Variants in DAPK1 observed in about 807,000 individuals in gnomAD.
The protein encoded by DAPK1 is death-associated protein kinase 1.
Under a neutral mutation model 144.9 loss-of-function variants are expected in DAPK1, and 56 were observed. That is an observed-to-expected ratio of 0.39 (90% CI 0.31 to 0.48). The LOEUF is 0.48. Among genes scored for constraint, DAPK1 ranks in the 20% least tolerant of loss-of-function variants. DAPK1 has a pLI of 0.95. For synonymous variants in DAPK1, 690 were observed against 749.0 expected, an observed-to-expected ratio of 0.92 and a Z score of 1.29; for missense variants, 1,454 against 1,875.4, an observed-to-expected ratio of 0.78 and a Z score of 4.15.
chr9:87,569,044 G>A (rs1391222006), intron 2 of DAPK1, among the ~76,000 whole-genome samples: 1 of 138,744 alleles, frequency 7.2e-6, no homozygotes, highest in Non-Finnish European at 1.6e-5. Flanking sequence ...TCCAGGTCAC[G>A]TGTGTTTTTT....
At chr9:87,632,728 G>A (rs1336265734) in intron 3 of DAPK1, 1 of 980,410 alleles carries the variant, frequency 1.0e-6, no homozygotes. Context: ...AGAGATGAAG[G>A]AGGGTGAGTA....
At chr9:87,698,052 T>C (rs1825320340) in intron 22 of DAPK1, among the ~76,000 whole-genome samples, 1 of 152,246 alleles carries the variant, frequency 6.6e-6, no homozygotes, top group Admixed American at 6.5e-5. Flanking sequence ...TAAACTTCCT[T>C]TGGTCTTTGC....
chr9:87,697,153 AT>A lies in DAPK1; in HGVS notation c.2564del (p.Phe855SerfsTer6). The A allele has an allele frequency of 6.3e-7, 1 of 1,590,030 alleles. No individual in the cohort carries two copies. The highest frequency in any genetic ancestry group is 8.6e-7 in the Non-Finnish European group (1 of 1,158,052). Reference protein sequence around the residue: ...EPYEIQLNQVIFWLSFLKSLV... With the variant: ...EPYEIQLNQVXFWLSFLKSLV... Reference sequence around the variant, plus strand: ...CTATGAGATCCAGCTGAACCAAGTGATTTTCTGGCTCAGTTTCCTGAAGTCC... The same window carrying A: ...CTATGAGATCCAGCTGAACCAAGTGATTTCTGGCTCAGTTTCCTGAAGTCC... On this transcript the variant is annotated frameshift_variant, in exon 22 of 26. Transcript: ENST00000408954. LOFTEE classifies it high-confidence loss of function.
rs373476383 is a variant in DAPK1, at chr9:87,640,586, C to T, written c.782+136C>T. The T allele has an allele frequency of 5.9e-4, 663 of 1,122,650 alleles. 4 individuals carry two copies. In the South Asian group the frequency reaches 9.5e-3, roughly 16 times the overall value. 69.5% of individuals were successfully genotyped at this position (1,122,650 alleles called of 1,614,324 possible). Reference sequence around the variant, plus strand: ...CCAAAGGGCAGCATGCCATGTGAAACGCTTCAGAAAATGCAAGCAGGGCCC... The same window carrying T: ...CCAAAGGGCAGCATGCCATGTGAAATGCTTCAGAAAATGCAAGCAGGGCCC... On this transcript the variant is annotated intron_variant, in intron 8 of 25. Transcript: ENST00000408954.
At chr9:87,548,960 C>T (rs1423228818) in intron 2 of DAPK1, among the ~76,000 whole-genome samples, 1 of 91,900 alleles carries the variant, frequency 1.1e-5, no homozygotes, top group Non-Finnish European at 2.0e-5. Context: ...CTTTTAAGTT[C>T]AGGGGTACAT....
intron 20 of DAPK1, among the ~76,000 whole-genome samples, chr9:87,682,182 G>A (rs1824657352): frequency 6.6e-6 from 1 of 152,164 alleles, no homozygotes; most frequent in African/African-American, 2.4e-5. Flanking sequence ...CTCCTTAGTG[G>A]TTTTCAGGGA....
chr9:87,637,630 T>C (rs1829948353), intron 3 of DAPK1, among the ~76,000 whole-genome samples: 1 of 152,314 alleles, frequency 6.6e-6, no homozygotes, highest in East Asian at 1.9e-4. Context: ...AGACATCACC[T>C]CTAAGTATGT....
At chr9:87,640,555 C>T (rs751034321) in intron 8 of DAPK1, 105 bp downstream of exon 8, 8 of 1,324,766 alleles carry the variant, frequency 6.0e-6, no homozygotes, top group Non-Finnish European at 8.3e-6. Context: ...CTGCTTGCTT[C>T]ATCTGCCAAA....
Position 87,707,425 on chromosome 9 carries a change from C to G in DAPK1, c.*61C>G, listed in dbSNP as rs1295317968. ...TGCAGAAGCAAGGGGGTGATGTAGC[C>G]CATCCTTCCCTTTGGAGATGCTGAG... On this transcript the variant is annotated 3_prime_UTR_variant, in exon 26 of 26. Transcript: ENST00000408954. The surrounding 1 kb of genome is among the most constrained non-coding windows in gnomAD (Gnocchi z 4.0). The G allele has an allele frequency of 9.5e-6, 11 of 1,161,542 alleles. No individual in the cohort carries two copies. Among genetic ancestry groups the G allele is most frequent in the African/African-American group, 1.5e-5 (1 of 65,056 alleles). The allele number at this position is 1,161,542 out of a possible 1,614,324, so 72.0% of individuals were successfully genotyped here. A position where few individuals can be genotyped will look rare whatever the true frequency, so the allele number is the denominator to read the frequency against.
chr9:87,572,242 A>G (rs999292622), intron 2 of DAPK1, among the ~76,000 whole-genome samples: 3 of 152,196 alleles, frequency 2.0e-5, no homozygotes. Flanking sequence ...TTCAATCCTC[A>G]TAGTAAGAGG....
intron 3 of DAPK1, among the ~76,000 whole-genome samples, chr9:87,636,875 C>T (rs775999304): frequency 9.2e-5 from 14 of 152,156 alleles, no homozygotes; most frequent in Admixed American, 3.3e-4. Context: ...TCATCGCTAT[C>T]GTGGAGTTTT....
chr9:87,606,478 C>G (rs1828718650), intron 3 of DAPK1, among the ~76,000 whole-genome samples: 1 of 144,600 alleles, frequency 6.9e-6, no homozygotes, highest in African/African-American at 2.6e-5. Context: ...TCTTTCCCTT[C>G]CTTCCTCCCT....
chr9:87,539,740 G>A (rs1825977449), intron 2 of DAPK1, among the ~76,000 whole-genome samples: 1 of 152,072 alleles, frequency 6.6e-6, no homozygotes, highest in Non-Finnish European at 1.5e-5. Flanking sequence ...TTTCTGAGGA[G>A]AGCAATGAAA....
chr9:87,697,060 T>G lies in DAPK1; in HGVS notation c.2467T>G (p.Cys823Gly). ...EFSGNPVYFC[C>G]YDYFAANDPT... The stretch of plus-strand genomic sequence containing the variant: ...CTCTGGAAATCCTGTGTATTTCTGC[T>G]GTTATGACTATTTTGCTGCAAATGA... The change falls in exon 22 of 26, where the codon TGT (cysteine) becomes GGT (glycine). Residue 823 changes from cysteine (C) to glycine (G), a missense_variant. Cys to Gly is a radical substitution (Grantham distance 159). This residue lies in a region of DAPK1 where 1,025 missense variants were observed against 1,237.9 expected (regional missense o/e 0.83). Transcript: ENST00000408954. 1 of 1,595,686 alleles carries G rather than the reference T, an allele frequency of 6.3e-7. No homozygotes were observed. The highest frequency in any genetic ancestry group is 8.6e-7 in the Non-Finnish European group (1 of 1,163,092).
chr9:87,581,889 T>G (rs1394294792), intron 2 of DAPK1, among the ~76,000 whole-genome samples: 1 of 152,206 alleles, frequency 6.6e-6, no homozygotes, highest in Non-Finnish European at 1.5e-5. Flanking sequence ...TCCCACTCAT[T>G]TTCTTTAATT....
chr9:87,604,863 T>C (rs1007787939), intron 2 of DAPK1, 91 bp from the exon 3 acceptor site: 16 of 1,161,526 alleles, frequency 1.4e-5, no homozygotes, highest in Non-Finnish European at 2.0e-5. Context: ...CTATTCACAG[T>C]TCTCTTGTCC....
At chr9:87,502,120 G>C (rs534552702) in intron 2 of DAPK1, among the ~76,000 whole-genome samples, 1 of 152,122 alleles carries the variant, frequency 6.6e-6, no homozygotes, top group Non-Finnish European at 1.5e-5. Flanking sequence ...TATTCTTTAA[G>C]TTTCTGTTTA....
intron 19 of DAPK1, among the ~76,000 whole-genome samples, chr9:87,673,117 C>T (rs1003879411): frequency 1.3e-5 from 2 of 152,056 alleles, no homozygotes; most frequent in Non-Finnish European, 2.9e-5. Flanking sequence ...GTTTCTTGTC[C>T]CTGGCCTCCA....
intron 4 of DAPK1, among the ~76,000 whole-genome samples, chr9:87,638,797 A>G (rs1335255658): frequency 1.3e-5 from 2 of 152,192 alleles, no homozygotes; most frequent in Non-Finnish European, 2.9e-5. Flanking sequence ...TGTCCCATTC[A>G]TGTCCCTGCT....
Sources: gnomAD v4.1 joint callset for allele counts (sites outside exome capture counted in the v4.1 genomes callset) on GRCh38, gnomAD v4.1.1 for gene constraint, gnomAD v4.1.1 regional missense constraint, Gnocchi (gnomAD v3.1) non-coding constraint, MANE v1.5 for transcripts, NCBI Gene and HGNC (gene_info 2026-07-23, HGNC 2026-07-21) for gene names.